PPP2R2A: variants seen among roughly 807,000 people sequenced by gnomAD.
The protein encoded by PPP2R2A is protein phosphatase 2 regulatory subunit Balpha.
A neutral mutation model predicts 53.2 loss-of-function variants in PPP2R2A; 9 were observed. The ratio of observed to expected loss-of-function variants is 0.17; its 90% CI spans 0.10 to 0.30. PPP2R2A has a LOEUF of 0.30. Ranked by LOEUF, PPP2R2A falls within the 10% of genes least tolerant of loss-of-function variation. The pLI is 1.00. For missense variants in PPP2R2A, 235 were observed against 534.6 expected, an observed-to-expected ratio of 0.44 and a Z score of 5.53; for synonymous variants, 169 against 174.2, an observed-to-expected ratio of 0.97 and a Z score of 0.23.
At chr8:26,329,648 G>A (rs576277282) in intron 2 of PPP2R2A, among the ~76,000 whole-genome samples, 3 of 152,244 alleles carry the variant, frequency 2.0e-5, no homozygotes, top group South Asian at 2.1e-4. Flanking sequence ...AAAATTGTTC[G>A]ATGGTCTGCA....
chr8:26,337,763 C>T (rs534997290), intron 2 of PPP2R2A, among the ~76,000 whole-genome samples: 1 of 152,262 alleles, frequency 6.6e-6, no homozygotes, highest in South Asian at 2.1e-4. Flanking sequence ...TAAATATGTG[C>T]AGTTTTGTGG....
At chr8:26,295,456 TATAAC>T (rs1391174940) in intron 2 of PPP2R2A, among the ~76,000 whole-genome samples, 4 of 152,246 alleles carry the variant, frequency 2.6e-5, no homozygotes, top group African/African-American at 7.2e-5. Flanking sequence ...GAAAGCAACT[TATAAC>T]AAAACCATTT....
chr8:26,361,665 G>A (rs990243539), intron 6 of PPP2R2A, among the ~76,000 whole-genome samples: 1 of 151,784 alleles, frequency 6.6e-6, no homozygotes, highest in African/African-American at 2.4e-5. Context: ...ATTTTTTATT[G>A]TAAAAATAGT....
At chr8:26,294,892 T>C (rs62494173) in intron 2 of PPP2R2A, among the ~76,000 whole-genome samples, 2,343 of 152,338 alleles carry the variant, frequency 0.015, 23 homozygotes, top group Middle Eastern at 0.048. Context: ...TGGATCCTCA[T>C]CTGTTTCTTA....
intron 2 of PPP2R2A, among the ~76,000 whole-genome samples, chr8:26,312,886 C>T (rs1802357201): frequency 6.6e-6 from 1 of 152,036 alleles, no homozygotes; most frequent in Non-Finnish European, 1.5e-5. Flanking sequence ...ATCCATGTAG[C>T]TCATGTATAT....
At chr8:26,351,167 A>G (rs747905744) in intron 3 of PPP2R2A, among the ~76,000 whole-genome samples, 5 of 152,188 alleles carry the variant, frequency 3.3e-5, no homozygotes, top group East Asian at 1.9e-4. Flanking sequence ...TGTATAAGAA[A>G]TACTTTTCAA....
rs185957760 is a variant in PPP2R2A at position 26,357,899 on chromosome 8, G to C, written c.347-2270G>C. 3.1e-3 allele frequency among the ~76,000 whole-genome samples: 471 copies of C among 152,128 alleles called. 10 individuals are homozygous for C. Among genetic ancestry groups the C allele is most frequent in the Admixed American group, 0.026 (401 of 15,278 alleles). On this transcript the variant is annotated intron_variant, in intron 4 of 9. Transcript: ENST00000380737. ...TCTAATAACGTCTCCACTGAAAACTGTGTTTTTACATAATCTCACATACAG... is the reference window on the plus strand; with the variant it reads ...TCTAATAACGTCTCCACTGAAAACTCTGTTTTTACATAATCTCACATACAG...
intron 4 of PPP2R2A, among the ~76,000 whole-genome samples, chr8:26,355,452 C>T (rs996493555): frequency 1.3e-5 from 2 of 152,096 alleles, no homozygotes; most frequent in South Asian, 4.1e-4. Context: ...CTATGTTGCT[C>T]AGGCTGGTCT....
chr8:26,337,943 T>A (rs1803750762), intron 2 of PPP2R2A, among the ~76,000 whole-genome samples: 1 of 152,248 alleles, frequency 6.6e-6, no homozygotes, highest in Admixed American at 6.5e-5. Context: ...GAAATACATG[T>A]CAGTAAATTT....
At chr8:26,350,160 A>G (rs1804419740) in intron 3 of PPP2R2A, among the ~76,000 whole-genome samples, 1 of 151,982 alleles carries the variant, frequency 6.6e-6, no homozygotes, top group Admixed American at 6.6e-5. Context: ...TCCTCCTCCC[A>G]TCAAGTGATT....
intron 2 of PPP2R2A, among the ~76,000 whole-genome samples, chr8:26,309,139 G>A (rs891994770): frequency 6.6e-6 from 1 of 152,214 alleles, no homozygotes; most frequent in Non-Finnish European, 1.5e-5. Context: ...GGGATTACAG[G>A]AGTGAGCCAC....
At chr8:26,357,354 A>C (rs1242821574) in intron 4 of PPP2R2A, among the ~76,000 whole-genome samples, 1 of 149,304 alleles carries the variant, frequency 6.7e-6, no homozygotes, top group Non-Finnish European at 1.5e-5. Flanking sequence ...AATAGTACCA[A>C]ACTTTCCAGG....
chr8:26,343,030 T>C (rs568276607), intron 3 of PPP2R2A, among the ~76,000 whole-genome samples: 2 of 151,996 alleles, frequency 1.3e-5, no homozygotes, highest in South Asian at 4.2e-4. Context: ...ATACAAAAAT[T>C]AGCTGATCCT....
chr8:26,315,297 A>C (rs1223914921), intron 2 of PPP2R2A, among the ~76,000 whole-genome samples: 1 of 152,078 alleles, frequency 6.6e-6, no homozygotes, highest in Non-Finnish European at 1.5e-5. Context: ...GTGATGAGCC[A>C]GGGACCCGCA....
At chr8:26,334,911 G>T (rs1803577773) in intron 2 of PPP2R2A, among the ~76,000 whole-genome samples, 1 of 152,154 alleles carries the variant, frequency 6.6e-6, no homozygotes, top group Non-Finnish European at 1.5e-5. Flanking sequence ...CCAGTATTTA[G>T]CCAGCCCTGT....
chr8:26,347,975 A>T (rs956727537), intron 3 of PPP2R2A, among the ~76,000 whole-genome samples: 1 of 152,156 alleles, frequency 6.6e-6, no homozygotes, highest in African/African-American at 2.4e-5. Flanking sequence ...GAATGTGTTG[A>T]GAGTAGTTAT....
chr8:26,363,038 G>T, intron 7 of PPP2R2A, 190 bp downstream of exon 7: 1 of 549,764 alleles, frequency 1.8e-6, no homozygotes, highest in African/African-American at 1.9e-5. Context: ...TCTCTTGGGG[G>T]GCATGTCTAT....
Position 26,293,725 on chromosome 8 carries a change from G to A in PPP2R2A, c.67G>A (p.Asp23Asn). Reference protein sequence around the residue: ...CFSQVKGAVDDDVAEADIIST... With the variant: ...CFSQVKGAVDNDVAEADIIST... ...TTCTCAGGTGAAAGGAGCAGTAGAT[G>A]ATGATGTAGCAGAAGGTAAGAAAGC... Residue 23 changes from aspartate (D) to asparagine (N), a missense_variant, in exon 2 of 10, where the codon GAT (aspartate) becomes AAT (asparagine). Physicochemically the swap from Asp to Asn is conservative, Grantham distance 23. Transcript: ENST00000380737. 1 of 1,613,666 alleles carries A rather than the reference G, an allele frequency of 6.2e-7. No individual in the cohort carries two copies. Among genetic ancestry groups the A allele is most frequent in the Admixed American group, 1.7e-5 (1 of 59,966 alleles).
intron 4 of PPP2R2A, among the ~76,000 whole-genome samples, chr8:26,356,801 A>G (rs1054654409): frequency 1.2e-4 from 19 of 152,348 alleles, no homozygotes; most frequent in Middle Eastern, 3.4e-3. Context: ...AGAGAATAGT[A>G]TAGTGAAGCC....
Sources: allele counts gnomAD v4.1 joint callset (sites outside exome capture counted in the v4.1 genomes callset), GRCh38; gene constraint gnomAD v4.1.1; transcripts MANE v1.5; gene names NCBI Gene and HGNC (gene_info 2026-07-23, HGNC 2026-07-21).